The following PLCD1 variants were observed in gnomAD, a reference collection of about 807,000 sequenced individuals.
PLCD1 encodes the protein 1-phosphatidylinositol 4,5-bisphosphate phosphodiesterase delta-1.
A neutral mutation model predicts 87.4 loss-of-function variants in PLCD1; 71 were observed. The observed-to-expected ratio is 0.81, with a 90% CI of 0.67 to 0.99. PLCD1 has a LOEUF of 0.99. Among genes scored for constraint, PLCD1 ranks in the 50% least tolerant of loss-of-function variants. PLCD1 has a pLI of 0.00. For synonymous variants in PLCD1, 348 were observed against 399.2 expected (o/e 0.87, Z 1.53); for missense variants, 867 against 1,001.5 (o/e 0.87, Z 1.81).
intron 1 of PLCD1, among the ~76,000 whole-genome samples, chr3:38,026,050 G>A (rs1296417304): frequency 2.0e-5 from 3 of 152,186 alleles, no homozygotes; most frequent in Admixed American, 2.0e-4. Flanking sequence ...ATATGAACAC[G>A]GAAAAGCTAT....
rs930111730 is a variant in PLCD1, at chr3:38,020,274, C to T, written c.113G>A (p.Arg38Lys). The change falls in exon 2 of 15, where the codon AGA becomes AAA. Residue 38 changes from arginine (R) to lysine (K), a missense_variant. Transcript: ENST00000334661. ...CTCCTGCAACTTGTAGAAGCGCTCT[C>T]TCCTCCATGAGCTGGACTTCACCTT... Reference protein sequence around the residue: ...LLKVKSSSWRRERFYKLQEDC... With the variant: ...LLKVKSSSWRKERFYKLQEDC... 1.2e-6 allele frequency: 2 copies of T among 1,613,986 alleles called. No individual in the cohort carries two copies. The highest frequency in any genetic ancestry group is 2.7e-5 in the African/African-American group (2 of 74,946).
rs535015811 is a variant in PLCD1, at chr3:38,025,059, A to C, written c.34+4447T>G. Among the ~76,000 whole-genome samples, 1 of 152,018 alleles carries C rather than the reference A, an allele frequency of 6.6e-6. No homozygotes were observed. Among genetic ancestry groups the C allele is most frequent in the South Asian group, 2.1e-4 (1 of 4,816 alleles). The stretch of plus-strand genomic sequence containing the variant: ...GGGGCGAAGGAGGGGCCAGGCTCAG[A>C]GGCGGAGCTCAGGCCGGGAGCCTCT... On this transcript the variant is annotated intron_variant, in intron 1 of 14. Transcript: ENST00000334661. This position sits in a 1 kb window ranked among gnomAD's most constrained non-coding sequence, Gnocchi z 4.0.
In PLCD1 at chr3:38,011,412, C is replaced by T; in HGVS notation, c.592G>A (p.Asp198Asn). Residue 198 changes from aspartate to asparagine, a missense_variant, in exon 5 of 15, where the codon GAC becomes AAC. By Grantham distance (23) the Asp-to-Asn change is conservative. Transcript: ENST00000334661. Reference sequence around the variant, plus strand: ...TTGTAGAAGGCCTCAATCTCCTCGTCCTCCAGGGAGTCTGTCTGGGAGTGG... The same window carrying T: ...TTGTAGAAGGCCTCAATCTCCTCGTTCTCCAGGGAGTCTGTCTGGGAGTGG... ...CDHSQTDSLEDEEIEAFYKML... is the reference protein window; with the variant it reads ...CDHSQTDSLENEEIEAFYKML... 1 of 1,614,074 alleles carries T rather than the reference C, an allele frequency of 6.2e-7. No individual in the cohort carries two copies. Among genetic ancestry groups the T allele is most frequent in the Non-Finnish European group, 8.5e-7 (1 of 1,180,002 alleles).
intron 14 of PLCD1, 29 bp from the exon 15 acceptor site, chr3:38,007,887 CAGAG>C (rs746207741): frequency 9.9e-6 from 16 of 1,610,490 alleles, no homozygotes; most frequent in Admixed American, 5.0e-5. Flanking sequence ...GGAGGGAACA[CAGAG>C]AGAGTTCTGG....
At chr3:38,022,563 C>T (rs1700250694) in intron 1 of PLCD1, among the ~76,000 whole-genome samples, 1 of 152,182 alleles carries the variant, frequency 6.6e-6, no homozygotes, top group Non-Finnish European at 1.5e-5. Flanking sequence ...TGGAAAACAC[C>T]ATGAAGAGAT....
At chr3:38,013,998 T>C (rs1001394534) in intron 3 of PLCD1, among the ~76,000 whole-genome samples, 2 of 152,222 alleles carry the variant, frequency 1.3e-5, no homozygotes, top group African/African-American at 4.8e-5. Flanking sequence ...GCAAAGTGAA[T>C]AAAATGCTTT....
chr3:38,022,712 G>T (rs995538602), intron 1 of PLCD1, among the ~76,000 whole-genome samples: 1 of 152,114 alleles, frequency 6.6e-6, no homozygotes, highest in Non-Finnish European at 1.5e-5. Flanking sequence ...GATAGCCACA[G>T]CCCTCTGGAC....
In PLCD1 at chr3:38,009,903, C is replaced by A. The variant is rs1451891509; in HGVS notation, c.1287+1G>T. 6.2e-7 allele frequency: 1 copy of A among 1,603,152 alleles called. No individual in the cohort carries two copies. The highest frequency in any genetic ancestry group is 8.5e-7 in the Non-Finnish European group (1 of 1,174,718). On this transcript the variant is annotated splice_donor_variant, in intron 8 of 14. Transcript: ENST00000334661. LOFTEE classifies it high-confidence loss of function. The stretch of plus-strand genomic sequence containing the variant: ...AGGGATCCCCCATCCCCACCACACA[C>A]CTCAGGGGAGGGCAGGCTGTTGGTG...
chr3:38,022,051 C>T (rs1375524080), intron 1 of PLCD1, among the ~76,000 whole-genome samples: 1 of 152,208 alleles, frequency 6.6e-6, no homozygotes, highest in African/African-American at 2.4e-5. Context: ...TAGGCAACTC[C>T]CTTCCCTCTC....
chr3:38,009,630 C>T (rs758362842), intron 9 of PLCD1, 23 bp downstream of exon 9: 10 of 1,613,742 alleles, frequency 6.2e-6, no homozygotes, highest in Non-Finnish European at 7.6e-6. Flanking sequence ...CGGGCTGCCC[C>T]ACCCCACAGC....
chr3:38,017,931 C>T lies in PLCD1; in HGVS notation c.200-1212G>A, dbSNP rs1700182169. Among the ~76,000 whole-genome samples, 1 of 152,162 alleles carries T rather than the reference C, an allele frequency of 6.6e-6. No homozygotes were observed. Among genetic ancestry groups the T allele is most frequent in the Non-Finnish European group, 1.5e-5 (1 of 68,012 alleles). On this transcript the variant is annotated intron_variant, in intron 2 of 14. Coordinates refer to ENST00000334661, the MANE Select transcript of PLCD1 (RefSeq NM_006225.4). This position sits in a 1 kb window ranked among gnomAD's most constrained non-coding sequence, Gnocchi z 4.7. Reference sequence around the variant, plus strand: ...CCCTGGTGACCCACACGGCCGCACACAGGGTGCAGCTGCAGCTGCCTGGGT... The same window carrying T: ...CCCTGGTGACCCACACGGCCGCACATAGGGTGCAGCTGCAGCTGCCTGGGT...
chr3:38,021,012 G>T (rs1700226092), intron 1 of PLCD1, among the ~76,000 whole-genome samples: 1 of 152,102 alleles, frequency 6.6e-6, no homozygotes, highest in Non-Finnish European at 1.5e-5. Flanking sequence ...CACCTCAAAG[G>T]GAAGTTCTAG....
At chr3:38,024,526 G>T in intron 1 of PLCD1, 2 of 1,519,168 alleles carry the variant, frequency 1.3e-6, no homozygotes, top group Non-Finnish European at 1.8e-6. Flanking sequence ...GCTCTGGTCC[G>T]GGGGGCGGAA....
chr3:38,024,550 A>AG (rs1485644633), intron 1 of PLCD1: 1 of 1,508,132 alleles, frequency 6.6e-7, no homozygotes, highest in Non-Finnish European at 8.9e-7. Flanking sequence ...TCGCCCTTGG[A>AG]GGGGAGCAGG....
chr3:38,012,270 A>G (rs1700092100), intron 3 of PLCD1, among the ~76,000 whole-genome samples: 2 of 150,770 alleles, frequency 1.3e-5, no homozygotes, highest in African/African-American at 4.9e-5. Flanking sequence ...TTGACCTCCC[A>G]AAGTGCTGGG....
At chr3:38,029,458 G>C (rs1055310896) in intron 1 of PLCD1, 48 bp downstream of exon 1, 1 of 1,513,098 alleles carries the variant, frequency 6.6e-7, no homozygotes, top group East Asian at 2.5e-5. Context: ...CAGCTTTCCA[G>C]GGGTCCACCC....
chr3:38,022,086 C>A (rs1428618996), intron 1 of PLCD1, among the ~76,000 whole-genome samples: 4 of 152,242 alleles, frequency 2.6e-5, no homozygotes, highest in Non-Finnish European at 5.9e-5. Flanking sequence ...CCCATCAGCA[C>A]TGGGCTAAGA....
chr3:38,018,167 A>G lies in PLCD1; in HGVS notation c.200-1448T>C, dbSNP rs1559376015. On this transcript the variant is annotated intron_variant, in intron 2 of 14. Coordinates refer to ENST00000334661, the MANE Select transcript of PLCD1 (RefSeq NM_006225.4). This position sits in a 1 kb window ranked among gnomAD's most constrained non-coding sequence, Gnocchi z 5.7. ...AGAAAACTGGGCAGAAGGGGAGGCTATTCCAGGCCTCCCTCACCTGGCCTC... is the reference window on the plus strand; with the variant it reads ...AGAAAACTGGGCAGAAGGGGAGGCTGTTCCAGGCCTCCCTCACCTGGCCTC... Among the ~76,000 whole-genome samples the G allele has an allele frequency of 6.6e-6, 1 of 152,180 alleles. No homozygotes were observed. The highest frequency in any genetic ancestry group is 1.5e-5 in the Non-Finnish European group (1 of 68,022).
In PLCD1 at chr3:38,009,796, T is replaced by C; in HGVS notation, c.1303A>G (p.Ile435Val). 1 of 1,613,952 alleles carries C rather than the reference T, an allele frequency of 6.2e-7. No homozygotes were observed. Among genetic ancestry groups the C allele is most frequent in the South Asian group, 1.1e-5 (1 of 91,086 alleles). ...LPSPEQLKGK[I>V]LLKGKKLGGL... ...CCGAGCTTCTTCCCCTTCAGCAGGA[T>C]CTTCCCCTTCAGTTGCTAGGTGGGG... Residue 435 changes from isoleucine to valine, a missense_variant, in exon 9 of 15, where the codon ATC becomes GTC. Ile to Val is a conservative substitution (Grantham distance 29). Transcript: ENST00000334661.
Sources: allele counts gnomAD v4.1 joint callset (sites outside exome capture counted in the v4.1 genomes callset), GRCh38; gene constraint gnomAD v4.1.1; non-coding constraint Gnocchi (gnomAD v3.1); transcripts MANE v1.5; gene names NCBI Gene and HGNC (gene_info 2026-07-23, HGNC 2026-07-21).